The following NFATC1 variants were observed in gnomAD, a reference collection of about 807,000 sequenced individuals.
The protein encoded by NFATC1 is nuclear factor of activated T cells 1.
Under a neutral mutation model 76.0 loss-of-function variants are expected in NFATC1, and 22 were observed. The ratio of observed to expected loss-of-function variants is 0.29; its 90% confidence interval spans 0.21 to 0.41. The LOEUF (loss-of-function observed/expected upper bound fraction) is 0.41, where lower values mean the gene tolerates loss of function less well. NFATC1 is among the 10% of genes least tolerant of loss of function. The pLI, the probability that NFATC1 is intolerant of heterozygous loss-of-function variation, is 1.00. For missense variants in NFATC1, 1,357 were observed against 1,337.7 expected, an observed-to-expected ratio of 1.01 and a Z score of -0.23; for synonymous variants, 704 against 613.1, an observed-to-expected ratio of 1.15 and a Z score of -2.19.
rs1336972395 is a variant in NFATC1 at position 79,433,637 on chromosome 18, C to T, written c.1285C>T (p.Arg429Trp). ...GTCCCACTCAGGCCCGTATGAGCTTCGGATTGAGGTGCAGCCCAAGTCCCA... is the reference window on the plus strand; with the variant it reads ...GTCCCACTCAGGCCCGTATGAGCTTTGGATTGAGGTGCAGCCCAAGTCCCA... ...LPSHSGPYEL[R>W]IEVQPKSHHR... The change falls in exon 3 of 10, where the codon CGG (arginine) becomes TGG (tryptophan). Residue 429 changes from arginine to tryptophan, a missense_variant. Transcript: ENST00000427363. 6.2e-7 allele frequency: 1 copy of T among 1,613,176 alleles called. No individual in the cohort carries two copies. Among genetic ancestry groups the T allele is most frequent in the Non-Finnish European group, 8.5e-7 (1 of 1,179,962 alleles).
intron 3 of NFATC1, among the ~76,000 whole-genome samples, chr18:79,440,264 G>C (rs192176793): frequency 3.3e-5 from 5 of 152,354 alleles, no homozygotes; most frequent in Admixed American, 2.0e-4. Context: ...CGTTGCTAGT[G>C]ACCTCTCCTA....
chr18:79,405,769 A>G (rs1443633026), intron 1 of NFATC1, among the ~76,000 whole-genome samples: 1 of 152,164 alleles, frequency 6.6e-6, no homozygotes, highest in Non-Finnish European at 1.5e-5. Flanking sequence ...TTTGTTTTTT[A>G]ATAAAGCTTT....
Position 79,488,512 on chromosome 18 carries a change from G to A in NFATC1, c.2782+1575G>A, listed in dbSNP as rs938685109. The stretch of plus-strand genomic sequence containing the variant: ...TGGAGGTTCATGATGACTGTGGGGC[G>A]GGGCCAGGACAGTGTTCCGTGTCCT... On this transcript the variant is annotated intron_variant, in intron 9 of 9. Transcript: ENST00000427363. Among the ~76,000 whole-genome samples the A allele has an allele frequency of 3.3e-5, 5 of 152,282 alleles. No individual in the cohort carries two copies. In the East Asian group the frequency reaches 5.8e-4, roughly 18 times the overall value.
chr18:79,484,587 G>A (rs1253875595), intron 8 of NFATC1, among the ~76,000 whole-genome samples: 1 of 152,220 alleles, frequency 6.6e-6, no homozygotes, highest in Non-Finnish European at 1.5e-5. Context: ...TACTCAGAGG[G>A]TGGATGATAG....
At position 79,524,857 on chromosome 18, in the gene NFATC1, C is replaced by T. The variant is rs538993953; in HGVS notation, c.2783-2671C>T. Among the ~76,000 whole-genome samples, 10 of 152,120 alleles carry T rather than the reference C, an allele frequency of 6.6e-5. No individual in the cohort carries two copies. The highest frequency in any genetic ancestry group is 2.4e-4 in the African/African-American group (10 of 41,494). On this transcript the variant is annotated intron_variant, in intron 9 of 9. Transcript: ENST00000427363. The surrounding 1 kb of genome is among the most constrained non-coding windows in gnomAD (Gnocchi z 7.2). Reference sequence around the variant, plus strand: ...CATGCCGCTTCCCTTTCACCCTCAGCGACGCGCCCTCCTGTGCCCGCGGGG... The same window carrying T: ...CATGCCGCTTCCCTTTCACCCTCAGTGACGCGCCCTCCTGTGCCCGCGGGG...
At chr18:79,526,013 C>A (rs62096932) in intron 9 of NFATC1, among the ~76,000 whole-genome samples, 9,005 of 152,362 alleles carry the variant, frequency 0.059, 321 homozygotes, top group Admixed American at 0.094. Context: ...GGGCGGGAGG[C>A]CGCTGAGCAA....
chr18:79,424,973 G>A (rs1473249519), intron 2 of NFATC1, among the ~76,000 whole-genome samples: 1 of 100,280 alleles, frequency 1.0e-5, no homozygotes, highest in Non-Finnish European at 1.9e-5. Context: ...CTCCGTCTCT[G>A]TCTCTCTGTC....
At chr18:79,461,187 G>T (rs774560501) in intron 6 of NFATC1, 124 bp from the exon 7 acceptor site, 34 of 1,079,006 alleles carry the variant, frequency 3.2e-5, no homozygotes, top group Non-Finnish European at 4.3e-5. Flanking sequence ...ATGGGCCTAC[G>T]TGGGTCTCCT....
At chr18:79,516,349 G>A (rs570821730) in intron 9 of NFATC1, among the ~76,000 whole-genome samples, 101 of 152,324 alleles carry the variant, frequency 6.6e-4, no homozygotes, top group African/African-American at 2.4e-3. Context: ...GGCTGAAATA[G>A]GTCCTGGACT....
chr18:79,440,192 C>T, intron 3 of NFATC1, among the ~76,000 whole-genome samples: 1 of 152,308 alleles, frequency 6.6e-6, no homozygotes, highest in East Asian at 1.9e-4. Context: ...TTAGTAATTT[C>T]AGAGCTTTGG....
chr18:79,503,397 A>C (rs1413871600), intron 9 of NFATC1, among the ~76,000 whole-genome samples: 1 of 152,242 alleles, frequency 6.6e-6, no homozygotes, highest in Non-Finnish European at 1.5e-5. Flanking sequence ...GTGTCTAAAA[A>C]AACAGTGTTT....
chr18:79,439,033 TTGTG>T (rs1297197810), intron 3 of NFATC1, among the ~76,000 whole-genome samples: 1 of 152,238 alleles, frequency 6.6e-6, no homozygotes, highest in Non-Finnish European at 1.5e-5. Flanking sequence ...AATTCTCACT[TTGTG>T]TGGTACCTTC....
chr18:79,415,050 C>T (rs1329685902), intron 2 of NFATC1, among the ~76,000 whole-genome samples: 1 of 152,222 alleles, frequency 6.6e-6, no homozygotes, highest in Non-Finnish European at 1.5e-5. Context: ...CTGCCACAGG[C>T]CATGTGCGTC....
At chr18:79,402,217 C>T (rs759975572) in intron 1 of NFATC1, 74 of 484,258 alleles carry the variant, frequency 1.5e-4, no homozygotes, top group Admixed American at 3.2e-4. Flanking sequence ...TCCGGGAAGA[C>T]GCACAGGAGG....
chr18:79,523,987 C>G (rs991066168), intron 9 of NFATC1: 1 of 152,176 alleles, frequency 6.6e-6, no homozygotes, highest in Non-Finnish European at 1.5e-5. Flanking sequence ...CCCTTTGTGT[C>G]TGTGGAAAAG....
chr18:79,434,943 A>G (rs2086720097), intron 3 of NFATC1, among the ~76,000 whole-genome samples: 1 of 152,174 alleles, frequency 6.6e-6, no homozygotes, highest in South Asian at 2.1e-4. Flanking sequence ...AATGCGGGAG[A>G]CACCTGAGCG....
intron 6 of NFATC1, among the ~76,000 whole-genome samples, chr18:79,458,887 A>G (rs1335532532): frequency 6.6e-6 from 1 of 152,258 alleles, no homozygotes; most frequent in African/African-American, 2.4e-5. Flanking sequence ...TTCTGGAAGC[A>G]ATTGCTAGAT....
chr18:79,496,222 T>C (rs2089882752), intron 9 of NFATC1: 1 of 152,632 alleles, frequency 6.6e-6, no homozygotes, highest in Non-Finnish European at 1.5e-5. Context: ...ACGTTTTCTC[T>C]TCCTAATGTG....
rs145272516 is a variant in NFATC1, at chr18:79,410,858, T to C, written c.583T>C (p.Tyr195His). ...CTCCTCCTACGAGTCCAACTACTCG[T>C]ACCCGTACGCGTCCCCCCAGACGTC... is the stretch of plus-strand genomic sequence containing the variant. ...EASSYESNYS[Y>H]PYASPQTSPW... Residue 195 changes from tyrosine to histidine, a missense_variant, in exon 2 of 10, where the codon TAC becomes CAC. Around this residue, in one of 3 missense-constraint regions of NFATC1, gnomAD observed 691 missense variants for 613.1 expected, o/e 1.13. Coordinates refer to ENST00000427363, the MANE Select transcript of NFATC1 (RefSeq NM_001278669.2). The surrounding 1 kb of genome is among the most constrained non-coding windows in gnomAD (Gnocchi z 6.7). The C allele has an allele frequency of 1.1e-4, 170 of 1,610,174 alleles. No individual in the cohort carries two copies. The highest frequency in any genetic ancestry group is 1.4e-4 in the Non-Finnish European group (163 of 1,178,862).
Sources: allele counts gnomAD v4.1 joint callset (sites outside exome capture counted in the v4.1 genomes callset), GRCh38; gene constraint gnomAD v4.1.1; regional missense constraint gnomAD v4.1.1; non-coding constraint Gnocchi (gnomAD v3.1); transcripts MANE v1.5; gene names NCBI Gene and HGNC (gene_info 2026-07-23, HGNC 2026-07-21).